The following PLOD2 variants were observed in gnomAD, a reference collection of about 807,000 sequenced individuals.
PLOD2 encodes the protein lysine hydroxylase 2.
PLOD2 carries 65 observed loss-of-function variants against 101.0 expected under a neutral mutation model. The observed-to-expected ratio is 0.64, with a 90% confidence interval of 0.53 to 0.79. The LOEUF is 0.79. PLOD2 is among the 30% of genes least tolerant of loss of function. The pLI is 0.00. For missense variants in PLOD2, 909 were observed against 914.6 expected, an observed-to-expected ratio of 0.99 and a Z score of 0.08; for synonymous variants, 314 against 302.9, an observed-to-expected ratio of 1.04 and a Z score of -0.38.
intron 11 of PLOD2, among the ~76,000 whole-genome samples, chr3:146,083,577 C>CTTTT (rs869301001): frequency 1.8e-4 from 14 of 75,764 alleles, no homozygotes; most frequent in East Asian, 4.2e-4. Flanking sequence ...AAGTCTTTTT[C>CTTTT]TTTTTTTTTT....
intron 7 of PLOD2, among the ~76,000 whole-genome samples, chr3:146,097,000 G>T (rs1254439447): frequency 1.4e-5 from 2 of 140,932 alleles, no homozygotes; most frequent in African/African-American, 2.7e-5. Context: ...GGAGGGAGGT[G>T]GGGGGGTCAG....
intron 15 of PLOD2, among the ~76,000 whole-genome samples, chr3:146,073,931 GTTT>G (rs956923897): frequency 1.1e-4 from 17 of 151,608 alleles, no homozygotes; most frequent in African/African-American, 4.1e-4. Flanking sequence ...TTTTAAATGA[GTTT>G]TTAAAATTTC....
At chr3:146,088,935 A>C (rs1333694249) in intron 8 of PLOD2, 1 of 509,574 alleles carries the variant, frequency 2.0e-6, no homozygotes, top group East Asian at 3.5e-5. Context: ...GTTATGAGTT[A>C]GGTTTAAAGA....
In PLOD2 at chr3:146,072,427, G is replaced by A. The variant is rs986783884; in HGVS notation, c.1848+134C>T. The A allele has an allele frequency of 6.8e-5, 47 of 694,064 alleles. No homozygotes were observed. In the East Asian group the frequency reaches 1.3e-3, roughly 18 times the overall value. The allele number at this position is 694,064 out of a possible 1,614,324, so 43.0% of individuals were successfully genotyped here. ...GTGGGAGAAGTAGACTGAAATCAGA[G>A]CCTTGGCTAGCCAATTTATCTAAGT... On this transcript the variant is annotated intron_variant, in intron 17 of 19. Coordinates refer to ENST00000282903, the MANE Select transcript of PLOD2 (RefSeq NM_182943.3).
intron 11 of PLOD2, among the ~76,000 whole-genome samples, chr3:146,082,441 T>C (rs558686921): frequency 7.9e-5 from 12 of 152,338 alleles, no homozygotes; most frequent in Admixed American, 7.8e-4. Context: ...GTGATTACAG[T>C]AAGCTAGTCC....
At chr3:146,094,874 T>C (rs574318424) in intron 7 of PLOD2, among the ~76,000 whole-genome samples, 1 of 152,150 alleles carries the variant, frequency 6.6e-6, no homozygotes, top group Admixed American at 6.5e-5. Context: ...AAAACAGATA[T>C]ATAGACCAAT....
chr3:146,150,981 T>C (rs1446360405), intron 1 of PLOD2, among the ~76,000 whole-genome samples: 1 of 152,192 alleles, frequency 6.6e-6, no homozygotes. Flanking sequence ...TGGCCTACTG[T>C]CCTGCATCTA....
chr3:146,085,345 A>G lies in PLOD2; in HGVS notation c.1128-72T>C, dbSNP rs13095139. 25,849 of 776,592 alleles carry G rather than the reference A, an allele frequency of 0.033. 605 individuals are homozygous for G. The highest frequency in any genetic ancestry group is 0.042 in the South Asian group (2,885 of 69,084). The allele number at this position is 776,592 out of a possible 1,614,324, so 48.1% of individuals were successfully genotyped here. A position where few individuals can be genotyped will look rare whatever the true frequency, so the allele number is the denominator to read the frequency against. Reference sequence around the variant, plus strand: ...TCTGCTGACTGAAAAATGTTAATATATATATTCTTTTATGTAAAATATGGT... The same window carrying G: ...TCTGCTGACTGAAAAATGTTAATATGTATATTCTTTTATGTAAAATATGGT... On this transcript the variant is annotated intron_variant, in intron 10 of 19. Transcript: ENST00000282903.
intron 1 of PLOD2, among the ~76,000 whole-genome samples, chr3:146,148,194 A>T (rs1321643536): frequency 1.3e-5 from 2 of 152,126 alleles, no homozygotes; most frequent in Non-Finnish European, 2.9e-5. Context: ...GGCAAAGGTG[A>T]ATTTGGATAG....
intron 1 of PLOD2, among the ~76,000 whole-genome samples, chr3:146,148,334 G>GCACACA (rs1553742411): frequency 7.8e-5 from 2 of 25,504 alleles, no homozygotes; most frequent in Non-Finnish European, 1.9e-4. Flanking sequence ...AGGCAGGCAG[G>GCACACA]CACGCACACA....
At chr3:146,087,446 A>C (rs564776228) in intron 9 of PLOD2, among the ~76,000 whole-genome samples, 4 of 152,006 alleles carry the variant, frequency 2.6e-5, no homozygotes, top group African/African-American at 4.8e-5. Flanking sequence ...AAAAAGGAAA[A>C]ATTTAACAAA....
At chr3:146,137,790 G>T (rs1004164598) in intron 1 of PLOD2, among the ~76,000 whole-genome samples, 5 of 151,868 alleles carry the variant, frequency 3.3e-5, no homozygotes, top group African/African-American at 9.7e-5. Context: ...GCTCAACAGG[G>T]ATCACACTAA....
chr3:146,119,385 T>C lies in PLOD2; in HGVS notation c.338+1727A>G, dbSNP rs1284776138. Among the ~76,000 whole-genome samples the C allele has an allele frequency of 2.0e-5, 3 of 152,182 alleles. No individual in the cohort carries two copies. In the East Asian group the frequency reaches 5.8e-4, roughly 29 times the overall value. ...TAAATTATGCAGTCTCAGGAATTTGTAGCAGCACAAGAACTGATTAATACA... is the reference window on the plus strand; with the variant it reads ...TAAATTATGCAGTCTCAGGAATTTGCAGCAGCACAAGAACTGATTAATACA... On this transcript the variant is annotated intron_variant, in intron 3 of 19. Coordinates refer to ENST00000282903, the MANE Select transcript of PLOD2 (RefSeq NM_182943.3).
intron 1 of PLOD2, among the ~76,000 whole-genome samples, chr3:146,126,038 CAGCAAGGATTTCATCATCCTTAAT>C: frequency 6.6e-6 from 1 of 152,196 alleles, no homozygotes; most frequent in South Asian, 2.1e-4. Context: ...ATAAAGTTAA[CAGCAAGGATTTCATCATCCTTAAT>C]AGGAAAAGTA....
chr3:146,123,961 TACC>T, intron 2 of PLOD2, among the ~76,000 whole-genome samples, 174 bp downstream of exon 2: 1 of 152,048 alleles, frequency 6.6e-6, no homozygotes, highest in East Asian at 1.9e-4. Context: ...CTCAAGCATT[TACC>T]ACCATTTCTT....
intron 1 of PLOD2, among the ~76,000 whole-genome samples, chr3:146,136,780 T>C (rs1254368589): frequency 2.0e-5 from 3 of 152,334 alleles, no homozygotes; most frequent in African/African-American, 4.8e-5. Context: ...AGGTTTGTAG[T>C]GTAGAAACAG....
At chr3:146,091,676 T>A in intron 8 of PLOD2, 124 bp downstream of exon 8, 1 of 669,374 alleles carries the variant, frequency 1.5e-6, no homozygotes, top group South Asian at 1.6e-5. Flanking sequence ...TTTAACACTA[T>A]ATCCCCATTA....
At chr3:146,089,367 A>G (rs1479204555) in intron 8 of PLOD2, among the ~76,000 whole-genome samples, 1 of 151,508 alleles carries the variant, frequency 6.6e-6, no homozygotes, top group Non-Finnish European at 1.5e-5. Context: ...ATACATTCCA[A>G]TCCACAAGAT....
At chr3:146,098,006 AC>A (rs1937264703) in intron 7 of PLOD2, among the ~76,000 whole-genome samples, 1 of 151,996 alleles carries the variant, frequency 6.6e-6, no homozygotes, top group African/African-American at 2.4e-5. Flanking sequence ...AACAATGAGA[AC>A]TCGTGGACAC....
Sources: allele counts gnomAD v4.1 joint callset (sites outside exome capture counted in the v4.1 genomes callset), GRCh38; gene constraint gnomAD v4.1.1; transcripts MANE v1.5; gene names NCBI Gene and HGNC (gene_info 2026-07-23, HGNC 2026-07-21).